Variants in PNKD observed in about 807,000 individuals in gnomAD.
PNKD encodes the protein PNKD metallo-beta-lactamase domain containing, also known as probable thioesterase PNKD.
A neutral mutation model predicts 45.3 loss-of-function variants in PNKD; 36 were observed. The observed-to-expected ratio is 0.80, with a 90% CI of 0.61 to 1.05. The LOEUF is 1.05. Ranked by LOEUF, PNKD falls within the 50% of genes least tolerant of loss-of-function variation. The probability of loss-of-function intolerance (pLI) is 0.00; values close to 1 mark genes in which losing one functional copy is unlikely to be tolerated. For missense variants in PNKD, 511 were observed against 506.6 expected (o/e 1.01, Z -0.08); for synonymous variants, 197 against 210.1 (o/e 0.94, Z 0.54).
chr2:218,279,248 C>G, intron 2 of PNKD: 2 of 1,563,834 alleles, frequency 1.3e-6, no homozygotes, highest in Non-Finnish European at 1.7e-6. Context: ...ACCCTGAACC[C>G]CCAGGGCAGT....
intron 2 of PNKD, among the ~76,000 whole-genome samples, chr2:218,287,773 C>T (rs907994040): frequency 2.6e-5 from 4 of 152,186 alleles, no homozygotes; most frequent in Non-Finnish European, 5.9e-5. Context: ...CTCCCAGCCC[C>T]CTCTCTAGCC....
At chr2:218,282,180 A>G in intron 2 of PNKD, 1 of 1,417,558 alleles carries the variant, frequency 7.1e-7, no homozygotes, top group Non-Finnish European at 9.3e-7. Flanking sequence ...AGCTGCTGGG[A>G]CCTGAAATGG....
At position 218,326,380 on chromosome 2, in the gene PNKD, G is replaced by A. The variant is rs2106278885; in HGVS notation, c.237-13403G>A. Reference sequence around the variant, plus strand: ...ATGCATTTGGGGCTCTGTGGGGCCTGGGAGACAGTGTGGATTGTAGCAAAG... The same window carrying A: ...ATGCATTTGGGGCTCTGTGGGGCCTAGGAGACAGTGTGGATTGTAGCAAAG... On this transcript the variant is annotated intron_variant, in intron 2 of 9. Coordinates refer to ENST00000273077, the MANE Select transcript of PNKD (RefSeq NM_015488.5). The surrounding 1 kb of genome is among the most constrained non-coding windows in gnomAD (Gnocchi z 4.1). Among the ~76,000 whole-genome samples the A allele has an allele frequency of 6.6e-6, 1 of 152,322 alleles. No individual in the cohort carries two copies. Among genetic ancestry groups the A allele is most frequent in the South Asian group, 2.1e-4 (1 of 4,830 alleles).
At chr2:218,298,917 T>C (rs1489325877) in intron 2 of PNKD, among the ~76,000 whole-genome samples, 1 of 152,142 alleles carries the variant, frequency 6.6e-6, no homozygotes, top group Non-Finnish European at 1.5e-5. Context: ...CGATTTCCTC[T>C]TATTCCCAAC....
chr2:218,276,933 G>A lies in PNKD; in HGVS notation c.236+5384G>A, dbSNP rs1345435820. 58 of 1,352,326 alleles carry A rather than the reference G, an allele frequency of 4.3e-5. 2 individuals are homozygous for A. In the South Asian group the frequency reaches 5.4e-4, roughly 13 times the overall value. 83.8% of individuals were successfully genotyped at this position (1,352,326 alleles called of 1,614,324 possible). A position where few individuals can be genotyped will look rare whatever the true frequency, so the allele number is the denominator to read the frequency against. On this transcript the variant is annotated intron_variant, in intron 2 of 9. Transcript: ENST00000273077. ...TGCCCCGGGGACCTTTGGGGCCTGC[G>A]AGACCATGCTATATAGGAAGTCTGC...
At chr2:218,292,265 C>A (rs1692979294) in intron 2 of PNKD, among the ~76,000 whole-genome samples, 1 of 152,246 alleles carries the variant, frequency 6.6e-6, no homozygotes, top group Admixed American at 6.5e-5. Context: ...CGGCCGCCCA[C>A]CCGCGCGCCC....
Position 218,270,562 on chromosome 2 carries a change from G to C in PNKD, c.27G>C (p.Ala9=). MAAVVAAT[A]LKGRGARNAR... is the part of the protein sequence containing the mutation. ...TGGCGGCGGTGGTAGCTGCTACGGC[G>C]CTGAAGGGCCGGGGGGCGAGAAATG... is the stretch of plus-strand genomic sequence containing the variant. Residue 9 remains alanine, a synonymous_variant, in exon 1 of 10, where the codon GCG becomes GCC. Transcript: ENST00000273077. 8.2e-7 allele frequency: 1 copy of C among 1,222,964 alleles called. No individual in the cohort carries two copies. The highest frequency in any genetic ancestry group is 1.1e-6 in the Non-Finnish European group (1 of 947,492). The allele number at this position is 1,222,964 out of a possible 1,614,324, so 75.8% of individuals were successfully genotyped here.
At chr2:218,271,042 T>C (rs1690808806) in intron 1 of PNKD, 1 of 476,462 alleles carries the variant, frequency 2.1e-6, no homozygotes, top group Non-Finnish European at 3.8e-6. Context: ...GTGCTAACAT[T>C]TGCAGTTTCA....
At chr2:218,287,997 C>T (rs774912468) in intron 2 of PNKD, among the ~76,000 whole-genome samples, 4 of 152,252 alleles carry the variant, frequency 2.6e-5, no homozygotes, top group African/African-American at 4.8e-5. Flanking sequence ...AAGCCATTAG[C>T]AGGCTGATGC....
intron 2 of PNKD, chr2:218,280,722 GAATGCCTC>G (rs1222652834): frequency 6.6e-6 from 1 of 152,078 alleles, no homozygotes; most frequent in Non-Finnish European, 1.5e-5. Flanking sequence ...CTGAATGCCT[GAATGCCTC>G]TTTGGGAACT....
intron 2 of PNKD, chr2:218,275,250 T>C: frequency 2.1e-6 from 1 of 482,080 alleles, no homozygotes; most frequent in Non-Finnish European, 3.5e-6. Context: ...GCCTAGTCCC[T>C]GCCAAGCCCA....
chr2:218,315,074 C>CTTCT lies in PNKD; in HGVS notation c.237-24707_237-24706insCTTT, dbSNP rs1373913865. On this transcript the variant is annotated intron_variant, in intron 2 of 9. Coordinates refer to ENST00000273077, the MANE Select transcript of PNKD (RefSeq NM_015488.5). ...TCTTTCTTTCTTCCTTCCTTCCTTCCTTTCTTTCTCTCTCTCTCTCTCCTT... is the reference window on the plus strand; with the variant it reads ...TCTTTCTTTCTTCCTTCCTTCCTTCCTTCTTTTCTTTCTCTCTCTCTCTCTCCTT... Among the ~76,000 whole-genome samples, 27 of 93,046 alleles carry CTTCT rather than the reference C, an allele frequency of 2.9e-4. 2 individuals are homozygous for CTTCT. The highest frequency in any genetic ancestry group is 4.7e-5 in the Non-Finnish European group (2 of 42,490). 61.0% of individuals were successfully genotyped at this position (93,046 alleles called of 152,430 possible).
intron 2 of PNKD, among the ~76,000 whole-genome samples, chr2:218,320,767 C>T (rs1693966537): frequency 6.6e-6 from 1 of 152,130 alleles, no homozygotes. Flanking sequence ...GGGTGTGAAA[C>T]AATATGATAG....
intron 2 of PNKD, among the ~76,000 whole-genome samples, chr2:218,320,184 A>C (rs1336619449): frequency 6.6e-6 from 1 of 152,208 alleles, no homozygotes; most frequent in Non-Finnish European, 1.5e-5. Flanking sequence ...GACACTGGAG[A>C]GTTGAAGATG....
intron 2 of PNKD, among the ~76,000 whole-genome samples, chr2:218,320,509 A>G (rs772259906): frequency 6.6e-6 from 1 of 152,222 alleles, no homozygotes; most frequent in South Asian, 2.1e-4. Flanking sequence ...TTGAGGCTGC[A>G]GTGAGCTATG....
chr2:218,313,207 T>A (rs377181870), intron 2 of PNKD, among the ~76,000 whole-genome samples: 21 of 151,848 alleles, frequency 1.4e-4, no homozygotes, highest in African/African-American at 4.8e-4. Flanking sequence ...ATCTCCCAGG[T>A]TCAAGCAATC....
intron 2 of PNKD, among the ~76,000 whole-genome samples, chr2:218,281,191 T>C (rs1315016649): frequency 7.1e-6 from 1 of 140,648 alleles, no homozygotes; most frequent in East Asian, 2.2e-4. Context: ...TGAAGTGCAG[T>C]AGTGCGATCC....
At position 218,340,824 on chromosome 2, in the gene PNKD, C is replaced by T. The variant is rs922935567; in HGVS notation, c.524+38C>T. ...CGTCTTCCCTGGCCCACCCTTGTCC[C>T]AGCTGGGCTTGCCAGGACTGGGCCC... is the stretch of plus-strand genomic sequence containing the variant. On this transcript the variant is annotated intron_variant, in intron 5 of 9. Transcript: ENST00000273077. This position sits in a 1 kb window ranked among gnomAD's most constrained non-coding sequence, Gnocchi z 4.2. 2.1e-5 allele frequency: 33 copies of T among 1,577,560 alleles called. No individual in the cohort carries two copies. Among genetic ancestry groups the T allele is most frequent in the Non-Finnish European group, 2.5e-5 (29 of 1,146,858 alleles).
intron 2 of PNKD, among the ~76,000 whole-genome samples, chr2:218,291,574 A>G (rs1345537203): frequency 6.6e-6 from 1 of 152,078 alleles, no homozygotes; most frequent in East Asian, 1.9e-4. Flanking sequence ...ACTCCTGGGT[A>G]CCACGTAGAG....
Sources: gnomAD v4.1 joint callset for allele counts (sites outside exome capture counted in the v4.1 genomes callset) on GRCh38, gnomAD v4.1.1 for gene constraint, Gnocchi (gnomAD v3.1) non-coding constraint, MANE v1.5 for transcripts, NCBI Gene and HGNC (gene_info 2026-07-23, HGNC 2026-07-21) for gene names.